The following DDIT4 variants were observed in gnomAD, a reference collection of about 807,000 sequenced individuals.
The protein encoded by DDIT4 is DNA damage-inducible transcript 4 protein.
A neutral mutation model predicts 20.2 loss-of-function variants in DDIT4; 20 were observed. The ratio of observed to expected loss-of-function variants is 0.99; its 90% CI spans 0.70 to 1.44. The LOEUF (loss-of-function observed/expected upper bound fraction) is 1.44. Ranked by LOEUF, DDIT4 falls within the 40% of genes most tolerant of loss-of-function variation. The pLI is 0.00. For missense variants in DDIT4, 316 were observed against 298.1 expected (o/e 1.06, Z -0.44); for synonymous variants, 152 against 144.6 (o/e 1.05, Z -0.37).
intron 2 of DDIT4, 84 bp downstream of exon 2, chr10:72,274,505 T>A (rs1860803030): frequency 6.9e-7 from 1 of 1,442,836 alleles, no homozygotes; most frequent in Non-Finnish European, 9.2e-7. Context: ...AGAGCCGCCT[T>A]GGCTTCCTAT....
At position 72,273,989 on chromosome 10, in the gene DDIT4, G is replaced by GCGCAT; in HGVS notation, c.-131_-130insGCATC. 1 of 473,126 alleles carries GCGCAT rather than the reference G, an allele frequency of 2.1e-6. No homozygotes were observed. Among genetic ancestry groups the GCGCAT allele is most frequent in the South Asian group, 3.1e-5 (1 of 31,772 alleles). The allele number at this position is 473,126 out of a possible 1,614,324, so 29.3% of individuals were successfully genotyped here. A position where few individuals can be genotyped will look rare whatever the true frequency, so the allele number is the denominator to read the frequency against. On this transcript the variant is annotated 5_prime_UTR_variant, in exon 1 of 3. Coordinates refer to ENST00000307365, the MANE Select transcript of DDIT4 (RefSeq NM_019058.4). ...GGGTCTGGGCGGCTCTCGGTGGTTGGCACGGGTTCGCACACCCATTCAAGC... is the reference window on the plus strand; with the variant it reads ...GGGTCTGGGCGGCTCTCGGTGGTTGGCGCATCACGGGTTCGCACACCCATTCAAGC...
Position 72,273,986 on chromosome 10 carries a change from T to TCGCCGCATCA in DDIT4, c.-135_-134insCGCCGCATCA. ...GACGGGTCTGGGCGGCTCTCGGTGG[T>TCGCCGCATCA]TGGCACGGGTTCGCACACCCATTCA... is the stretch of plus-strand genomic sequence containing the variant. On this transcript the variant is annotated 5_prime_UTR_variant, in exon 1 of 3. The change creates a new upstream start codon in the 5' untranslated region. Transcript: ENST00000307365. The TCGCCGCATCA allele has an allele frequency of 1.8e-6, 1 of 555,918 alleles. No homozygotes were observed. Among genetic ancestry groups the TCGCCGCATCA allele is most frequent in the Non-Finnish European group, 3.2e-6 (1 of 309,194 alleles). The allele number at this position is 555,918 out of a possible 1,614,324, so 34.4% of individuals were successfully genotyped here. A position where few individuals can be genotyped will look rare whatever the true frequency, so the allele number is the denominator to read the frequency against.
chr10:72,274,576 G>A (rs1804358426), intron 2 of DDIT4, 119 bp from the exon 3 acceptor site: 1 of 1,441,206 alleles, frequency 6.9e-7, no homozygotes, highest in Non-Finnish European at 9.3e-7. Flanking sequence ...GAGTGAGGCG[G>A]AAACTGAGGC....
Position 72,274,830 on chromosome 10 carries a change from C to G in DDIT4, c.341C>G (p.Pro114Arg), listed in dbSNP as rs760257789. ...LAQARLGSRRPARLLMPSQLV... is the reference protein window; with the variant it reads ...LAQARLGSRRRARLLMPSQLV... Reference sequence around the variant, plus strand: ...CAGGCGCGGCTGGGCTCTCGACGCCCTGCGCGCCTGCTGATGCCTAGCCAG... The same window carrying G: ...CAGGCGCGGCTGGGCTCTCGACGCCGTGCGCGCCTGCTGATGCCTAGCCAG... Residue 114 changes from proline to arginine, a missense_variant, in exon 3 of 3, where the codon CCT becomes CGT. By Grantham distance (103) the Pro-to-Arg change is moderately radical. Transcript: ENST00000307365. 1 of 1,613,626 alleles carries G rather than the reference C, an allele frequency of 6.2e-7. No homozygotes were observed.
rs779830868 is a variant in DDIT4 at position 72,274,323 on chromosome 10, C to T, written c.107C>T (p.Ser36Leu). The change falls in exon 2 of 3, where the codon TCG becomes TTG. Residue 36 changes from serine (S) to leucine (L), a missense_variant. Coordinates refer to ENST00000307365, the MANE Select transcript of DDIT4 (RefSeq NM_019058.4). ...CGGCCGCCGCGCTCAGCCTGGGGGT[C>T]GGCGACCCGGGAGGAGGGGTTTGAC... Reference protein sequence around the residue: ...PDRPPRSAWGSATREEGFDRS... With the variant: ...PDRPPRSAWGLATREEGFDRS... 10 of 1,612,544 alleles carry T rather than the reference C, an allele frequency of 6.2e-6. No individual in the cohort carries two copies. The highest frequency in any genetic ancestry group is 2.2e-5 in the South Asian group (2 of 91,056).
chr10:72,274,543 C>A, intron 2 of DDIT4, 122 bp downstream of exon 2: 3 of 1,406,856 alleles, frequency 2.1e-6, no homozygotes, highest in South Asian at 1.4e-5. Context: ...TGCTTGGGGG[C>A]AGGGGGAATT....
Position 72,275,552 on chromosome 10 carries a change from A to C in DDIT4, c.*364A>C. On this transcript the variant is annotated 3_prime_UTR_variant, in exon 3 of 3. Coordinates refer to ENST00000307365, the MANE Select transcript of DDIT4 (RefSeq NM_019058.4). ...CCCGCCCCAGCCCGGCCCAGGGTGAAGGAAGAGGCACGTGCTCCTCAGAGC... is the reference window on the plus strand; with the variant it reads ...CCCGCCCCAGCCCGGCCCAGGGTGACGGAAGAGGCACGTGCTCCTCAGAGC... The C allele has an allele frequency of 4.6e-6, 1 of 216,662 alleles. No homozygotes were observed. Among genetic ancestry groups the C allele is most frequent in the East Asian group, 1.2e-4 (1 of 8,296 alleles). 13.4% of individuals were successfully genotyped at this position (216,662 alleles called of 1,614,324 possible).
chr10:72,274,588 C>A, intron 2 of DDIT4, 107 bp from the exon 3 acceptor site: 1 of 1,456,544 alleles, frequency 6.9e-7, no homozygotes, highest in Non-Finnish European at 9.2e-7. Context: ...AACTGAGGCA[C>A]GGAGTGGGAA....
At position 72,274,887 on chromosome 10, in the gene DDIT4, G is replaced by T. The variant is rs1449054909; in HGVS notation, c.398G>T (p.Arg133Leu). ...LVSQVGKELL[R>L]LAYSEPCGLR... ...AGCCAGGTGGGCAAAGAACTACTGC[G>T]CCTGGCCTACAGCGAGCCGTGCGGC... Residue 133 changes from arginine to leucine, a missense_variant, in exon 3 of 3, where the codon CGC (arginine) becomes CTC (leucine). By Grantham distance (102) the Arg-to-Leu change is moderately radical. Transcript: ENST00000307365. The T allele has an allele frequency of 1.9e-6, 3 of 1,612,992 alleles. No individual in the cohort carries two copies. The highest frequency in any genetic ancestry group is 1.3e-5 in the African/African-American group (1 of 74,936).
chr10:72,273,947 G>C lies in DDIT4; in HGVS notation c.-174G>C. The C allele has an allele frequency of 3.8e-6, 2 of 527,486 alleles. No homozygotes were observed. Among genetic ancestry groups the C allele is most frequent in the Non-Finnish European group, 6.8e-6 (2 of 293,188 alleles). The allele number at this position is 527,486 out of a possible 1,614,324, so 32.7% of individuals were successfully genotyped here. ...GCGCAGCAGGCCAAGGGGGAGGTGC[G>C]AGCGTGGACCTGGGACGGGTCTGGG... On this transcript the variant is annotated 5_prime_UTR_variant, in exon 1 of 3. Coordinates refer to ENST00000307365, the MANE Select transcript of DDIT4 (RefSeq NM_019058.4).
At chr10:72,274,459 C>G in intron 2 of DDIT4, 38 bp downstream of exon 2, 5 of 1,513,576 alleles carry the variant, frequency 3.3e-6, no homozygotes. Context: ...CTCGAGGGGC[C>G]GGGAAGGTGG....
chr10:72,274,003 ACC>A lies in DDIT4; in HGVS notation c.-116_-115del. The A allele has an allele frequency of 1.7e-6, 1 of 591,112 alleles. No individual in the cohort carries two copies. Among genetic ancestry groups the A allele is most frequent in the Non-Finnish European group, 3.0e-6 (1 of 330,570 alleles). The allele number at this position is 591,112 out of a possible 1,614,324, so 36.6% of individuals were successfully genotyped here. On this transcript the variant is annotated 5_prime_UTR_variant, in exon 1 of 3. Coordinates refer to ENST00000307365, the MANE Select transcript of DDIT4 (RefSeq NM_019058.4). ...CTCGGTGGTTGGCACGGGTTCGCAC[ACC>A]CATTCAAGCGGCAGGACGCACTTGT...
In DDIT4 at chr10:72,273,980, C is replaced by T. The variant is rs976149321; in HGVS notation, c.-141C>T. 1.7e-5 allele frequency: 10 copies of T among 574,912 alleles called. No individual in the cohort carries two copies. Among genetic ancestry groups the T allele is most frequent in the Non-Finnish European group, 2.8e-5 (9 of 321,122 alleles). 35.6% of individuals were successfully genotyped at this position (574,912 alleles called of 1,614,324 possible). A position where few individuals can be genotyped will look rare whatever the true frequency, so the allele number is the denominator to read the frequency against. ...ACCTGGGACGGGTCTGGGCGGCTCT[C>T]GGTGGTTGGCACGGGTTCGCACACC... On this transcript the variant is annotated 5_prime_UTR_variant, in exon 1 of 3. Coordinates refer to ENST00000307365, the MANE Select transcript of DDIT4 (RefSeq NM_019058.4).
rs1860799919 is a variant in DDIT4, at chr10:72,274,312, A to G, written c.96A>G (p.Ser32=). 6.2e-7 allele frequency: 1 copy of G among 1,613,020 alleles called. No individual in the cohort carries two copies. The highest frequency in any genetic ancestry group is 2.2e-5 in the East Asian group (1 of 44,858). The change falls in exon 2 of 3, where the codon TCA becomes TCG. Residue 32 remains serine, a synonymous_variant. Transcript: ENST00000307365. ...CCACCCCAGATCGGCCGCCGCGCTC[A>G]GCCTGGGGGTCGGCGACCCGGGAGG... ...RTPTPDRPPR[S]AWGSATREEG...
intron 2 of DDIT4, 36 bp downstream of exon 2, chr10:72,274,457 G>A (rs1788473383): frequency 2.0e-6 from 3 of 1,517,546 alleles, no homozygotes; most frequent in Non-Finnish European, 2.6e-6. Flanking sequence ...GACTCGAGGG[G>A]CCGGGAAGGT....
In DDIT4 at chr10:72,275,263, G is replaced by A; in HGVS notation, c.*75G>A. 1 of 1,482,290 alleles carries A rather than the reference G, an allele frequency of 6.7e-7. No individual in the cohort carries two copies. Among genetic ancestry groups the A allele is most frequent in the Non-Finnish European group, 9.0e-7 (1 of 1,109,324 alleles). The allele number at this position is 1,482,290 out of a possible 1,614,324, so 91.8% of individuals were successfully genotyped here. A position where few individuals can be genotyped will look rare whatever the true frequency, so the allele number is the denominator to read the frequency against. Reference sequence around the variant, plus strand: ...ACTTTTGGGGTGGAGACTAGAGGCAGGAGCTGAGGGACTGATTCCTGTGGT... The same window carrying A: ...ACTTTTGGGGTGGAGACTAGAGGCAAGAGCTGAGGGACTGATTCCTGTGGT... On this transcript the variant is annotated 3_prime_UTR_variant, in exon 3 of 3. Coordinates refer to ENST00000307365, the MANE Select transcript of DDIT4 (RefSeq NM_019058.4).
rs1350022680 is a variant in DDIT4, at chr10:72,273,963, C to A, written c.-158C>A. The A allele has an allele frequency of 9.1e-6, 5 of 547,570 alleles. No homozygotes were observed. The highest frequency in any genetic ancestry group is 6.5e-5 in the East Asian group (2 of 30,942). 33.9% of individuals were successfully genotyped at this position (547,570 alleles called of 1,614,324 possible). On this transcript the variant is annotated 5_prime_UTR_variant, in exon 1 of 3. Transcript: ENST00000307365. ...GGGAGGTGCGAGCGTGGACCTGGGA[C>A]GGGTCTGGGCGGCTCTCGGTGGTTG...
chr10:72,274,270 G>A lies in DDIT4; in HGVS notation c.54G>A (p.Ser18=). Residue 18 remains serine (S), a synonymous_variant, in exon 2 of 3, where the codon TCG becomes TCA. Transcript: ENST00000307365. The part of the protein sequence containing the change: ...FSSSSTSSSP[S]SLPRTPTPDR... ...CGTCGTCCACCTCCTCTTCGCCCTC[G>A]TCCTTGCCCCGAACTCCCACCCCAG... 6.2e-7 allele frequency: 1 copy of A among 1,613,654 alleles called. No homozygotes were observed. The highest frequency in any genetic ancestry group is 8.5e-7 in the Non-Finnish European group (1 of 1,179,988).
Position 72,275,217 on chromosome 10 carries a change from C to T in DDIT4, c.*29C>T, listed in dbSNP as rs1860815576. The T allele has an allele frequency of 1.9e-6, 3 of 1,580,372 alleles. No individual in the cohort carries two copies. The highest frequency in any genetic ancestry group is 3.5e-5 in the Admixed American group (2 of 56,568). ...TCAACCTGAGGGGGCCGACAGTGCC[C>T]TCCAAGACAGAGACGACTGAACTTT... On this transcript the variant is annotated 3_prime_UTR_variant, in exon 3 of 3. Coordinates refer to ENST00000307365, the MANE Select transcript of DDIT4 (RefSeq NM_019058.4).
Sources: allele counts gnomAD v4.1 joint callset, GRCh38; gene constraint gnomAD v4.1.1; transcripts MANE v1.5; gene names NCBI Gene and HGNC (gene_info 2026-07-23, HGNC 2026-07-21).